NXPH1: variants seen among roughly 807,000 people sequenced by gnomAD.
NXPH1 encodes neurexophilin-1.
Under a neutral mutation model 23.7 loss-of-function variants are expected in NXPH1, and 5 were observed. That is an observed-to-expected ratio of 0.21 (90% CI 0.11 to 0.44). NXPH1 has a LOEUF of 0.44. Ranked by LOEUF, NXPH1 falls within the 20% of genes least tolerant of loss-of-function variation. NXPH1 has a pLI of 0.99. For missense variants in NXPH1, 324 were observed against 321.6 expected, an observed-to-expected ratio of 1.01 and a Z score of -0.06; for synonymous variants, 144 against 122.2, an observed-to-expected ratio of 1.18 and a Z score of -1.18.
intron 2 of NXPH1, among the ~76,000 whole-genome samples, chr7:8,741,688 T>C (rs1480682955): frequency 6.6e-6 from 1 of 152,158 alleles, no homozygotes; most frequent in Non-Finnish European, 1.5e-5. Flanking sequence ...CTCTGGCTTA[T>C]GTAAAATGCA....
intron 2 of NXPH1, among the ~76,000 whole-genome samples, chr7:8,730,321 G>A (rs1387937545): frequency 6.7e-6 from 1 of 148,726 alleles, no homozygotes; most frequent in African/African-American, 2.5e-5. Flanking sequence ...CTTTTAATTG[G>A]AGCATTTAGT....
chr7:8,589,709 G>A (rs1223738661), intron 2 of NXPH1, among the ~76,000 whole-genome samples: 1 of 151,966 alleles, frequency 6.6e-6, no homozygotes, highest in African/African-American at 2.4e-5. Context: ...TATGAAGTTG[G>A]GGCTGAACGG....
At chr7:8,710,475 A>G (rs1486512477) in intron 2 of NXPH1, among the ~76,000 whole-genome samples, 2 of 152,042 alleles carry the variant, frequency 1.3e-5, no homozygotes. Flanking sequence ...TTAAAGAAGC[A>G]TTTTTCTGGA....
chr7:8,734,354 C>A (rs564849608), intron 2 of NXPH1, among the ~76,000 whole-genome samples: 1 of 152,084 alleles, frequency 6.6e-6, no homozygotes, highest in Non-Finnish European at 1.5e-5. Context: ...CTTGGCTATA[C>A]GGGCTCTTTT....
intron 2 of NXPH1, among the ~76,000 whole-genome samples, chr7:8,466,580 C>G (rs965908722): frequency 6.6e-6 from 1 of 152,004 alleles, no homozygotes; most frequent in East Asian, 1.9e-4. Flanking sequence ...GATAAAGACT[C>G]GAAGGGACAT....
chr7:8,644,434 T>A (rs2115146285), intron 2 of NXPH1, among the ~76,000 whole-genome samples: 1 of 152,296 alleles, frequency 6.6e-6, no homozygotes, highest in Admixed American at 6.5e-5. Context: ...CTACTTTCGG[T>A]TGAAGTTTTT....
At chr7:8,679,067 C>T (rs1350737828) in intron 2 of NXPH1, among the ~76,000 whole-genome samples, 1 of 150,882 alleles carries the variant, frequency 6.6e-6, no homozygotes, top group African/African-American at 2.4e-5. Context: ...CCTGCCTCAA[C>T]CTCCCGAGTA....
intron 2 of NXPH1, among the ~76,000 whole-genome samples, chr7:8,679,750 C>T (rs1375311622): frequency 6.6e-6 from 1 of 152,258 alleles, no homozygotes; most frequent in African/African-American, 2.4e-5. Flanking sequence ...AGGCTGGGCG[C>T]AGTGGCTCAC....
At chr7:8,645,085 C>A (rs973494726) in intron 2 of NXPH1, among the ~76,000 whole-genome samples, 1 of 152,146 alleles carries the variant, frequency 6.6e-6, no homozygotes, top group Non-Finnish European at 1.5e-5. Context: ...TGTTGGTAAA[C>A]ATCTGAGTGG....
chr7:8,606,773 G>A lies in NXPH1; in HGVS notation c.55-144235G>A, dbSNP rs1314632580. ...TATCCTCCTAGTCCAGTGAATATGT[G>A]CAGAATGATATTTGTAAATCAAGAC... On this transcript the variant is annotated intron_variant, in intron 2 of 2. Transcript: ENST00000405863. Among the ~76,000 whole-genome samples the A allele has an allele frequency of 2.6e-5, 4 of 152,228 alleles. No homozygotes were observed. The East Asian group carries it at 7.7e-4, about 29-fold the overall frequency.
chr7:8,578,173 C>T (rs1053223326), intron 2 of NXPH1, among the ~76,000 whole-genome samples: 3 of 152,202 alleles, frequency 2.0e-5, no homozygotes, highest in South Asian at 4.1e-4. Context: ...ATTCTCCCTT[C>T]TATAACGGAG....
At chr7:8,466,941 C>T (rs1207915959) in intron 2 of NXPH1, among the ~76,000 whole-genome samples, 1 of 152,040 alleles carries the variant, frequency 6.6e-6, no homozygotes, top group Non-Finnish European at 1.5e-5. Flanking sequence ...GACCTGGGAC[C>T]ATTTCCTTAA....
chr7:8,494,195 A>AT (rs964318040), intron 2 of NXPH1, among the ~76,000 whole-genome samples: 6 of 151,356 alleles, frequency 4.0e-5, no homozygotes, highest in African/African-American at 1.4e-4. Context: ...TAGTAGAGTG[A>AT]TTTTTCATAG....
rs1194640537 is a variant in NXPH1, at chr7:8,611,955, AG to A, written c.55-139051del. On this transcript the variant is annotated intron_variant, in intron 2 of 2. Transcript: ENST00000405863. ...TTCCCAGCGTGCATGTAACACTAGA[AG>A]GAAATGTGATTTCAGAATGAGCCAG... is the stretch of plus-strand genomic sequence containing the variant. Among the ~76,000 whole-genome samples the A allele has an allele frequency of 4.6e-5, 7 of 152,220 alleles. No homozygotes were observed. The East Asian group carries it at 1.4e-3, about 29-fold the overall frequency.
chr7:8,604,247 T>C (rs1322810004), intron 2 of NXPH1, among the ~76,000 whole-genome samples: 1 of 152,154 alleles, frequency 6.6e-6, no homozygotes, highest in East Asian at 1.9e-4. Context: ...TTAAACTTGT[T>C]GATTCAATGT....
At chr7:8,546,897 T>C (rs1474581560) in intron 2 of NXPH1, among the ~76,000 whole-genome samples, 1 of 151,398 alleles carries the variant, frequency 6.6e-6, no homozygotes, top group Non-Finnish European at 1.5e-5. Flanking sequence ...AAACCTTGTA[T>C]CTCTTTGACC....
chr7:8,724,586 C>G (rs1780019375), intron 2 of NXPH1, among the ~76,000 whole-genome samples: 1 of 152,198 alleles, frequency 6.6e-6, no homozygotes, highest in Non-Finnish European at 1.5e-5. Flanking sequence ...CTTACAGCAT[C>G]TCTAGTCATT....
intron 2 of NXPH1, among the ~76,000 whole-genome samples, chr7:8,584,217 G>A (rs1818936911): frequency 6.6e-6 from 1 of 152,106 alleles, no homozygotes; most frequent in Admixed American, 6.6e-5. Context: ...AGTGGAATCA[G>A]GACTTGGCCC....
chr7:8,441,745 G>A (rs114045862), intron 2 of NXPH1, among the ~76,000 whole-genome samples: 6,174 of 152,236 alleles, frequency 0.041, 159 homozygotes, highest in Non-Finnish European at 0.062. Flanking sequence ...AAACCCCTCC[G>A]CGCGCCCAAG....
Sources: gnomAD v4.1 joint callset for allele counts (sites outside exome capture counted in the v4.1 genomes callset) on GRCh38, gnomAD v4.1.1 for gene constraint, MANE v1.5 for transcripts, NCBI Gene and HGNC (gene_info 2026-07-23, HGNC 2026-07-21) for gene names.